Variants in SEZ6L observed in about 807,000 individuals in gnomAD.
SEZ6L encodes seizure related 6 homolog like, also known as seizure 6-like protein.
SEZ6L carries 37 observed loss-of-function variants against 106.2 expected under a neutral mutation model. The observed-to-expected ratio is 0.35, with a 90% CI of 0.27 to 0.46. SEZ6L has a LOEUF of 0.46. Ranked by LOEUF, SEZ6L falls within the 20% of genes least tolerant of loss-of-function variation. SEZ6L has a pLI of 1.00. For missense variants in SEZ6L, 1,172 were observed against 1,332.8 expected (o/e 0.88, Z 1.88); for synonymous variants, 541 against 570.4 (o/e 0.95, Z 0.73).
chr22:26,287,786 T>G (rs956698994), intron 1 of SEZ6L, among the ~76,000 whole-genome samples: 6 of 152,224 alleles, frequency 3.9e-5, no homozygotes, highest in African/African-American at 1.4e-4. Flanking sequence ...CACAGATGCA[T>G]ATCATCTGTG....
intron 1 of SEZ6L, among the ~76,000 whole-genome samples, chr22:26,191,945 A>G (rs2145657597): frequency 6.6e-6 from 1 of 152,100 alleles, no homozygotes; most frequent in Non-Finnish European, 1.5e-5. Flanking sequence ...GGGCACATCC[A>G]CTAACTCACT....
intron 1 of SEZ6L, among the ~76,000 whole-genome samples, chr22:26,198,938 C>T (rs1174011121): frequency 6.6e-6 from 1 of 152,224 alleles, no homozygotes; most frequent in Non-Finnish European, 1.5e-5. Context: ...GGCCATGTGG[C>T]ATGTTCTGGC....
At chr22:26,309,320 G>C (rs1053257243) in intron 6 of SEZ6L, among the ~76,000 whole-genome samples, 1 of 152,080 alleles carries the variant, frequency 6.6e-6, no homozygotes, top group Non-Finnish European at 1.5e-5. Context: ...ATTTTTCAGG[G>C]CACTTTTTAT....
In SEZ6L at chr22:26,253,153, G is replaced by A. The variant is rs140164957; in HGVS notation, c.95-39253G>A. On this transcript the variant is annotated intron_variant, in intron 1 of 16. Coordinates refer to ENST00000248933, the MANE Select transcript of SEZ6L (RefSeq NM_021115.5). Reference sequence around the variant, plus strand: ...ATAAATTTGAAATCCAAAATGATGTGGCTGGCCCAGAATCACAGTGTAAGC... The same window carrying A: ...ATAAATTTGAAATCCAAAATGATGTAGCTGGCCCAGAATCACAGTGTAAGC... 1.6e-3 allele frequency among the ~76,000 whole-genome samples: 251 copies of A among 152,272 alleles called. 1 individual carries two copies. Among genetic ancestry groups the A allele is most frequent in the African/African-American group, 5.5e-3 (228 of 41,542 alleles).
At position 26,294,390 on chromosome 22, in the gene SEZ6L, G is replaced by A. The variant is rs375396789; in HGVS notation, c.934G>A (p.Val312Met). The change falls in exon 3 of 17, where the codon GTG (valine) becomes ATG (methionine). Residue 312 changes from valine to methionine, a missense_variant. Val to Met is a conservative substitution (Grantham distance 21). Transcript: ENST00000248933. ...CAACTTTCTGGAGTGCACATACAAC[G>A]TGACAGTCTACACTGGCTATGGGGT... ...LNNFLECTYNVTVYTGYGVEL... is the reference protein window; with the variant it reads ...LNNFLECTYNMTVYTGYGVEL... 7 of 1,613,944 alleles carry A rather than the reference G, an allele frequency of 4.3e-6. No individual in the cohort carries two copies. Among genetic ancestry groups the A allele is most frequent in the Non-Finnish European group, 5.9e-6 (7 of 1,180,024 alleles).
intron 1 of SEZ6L, 150 bp from the exon 2 acceptor site, chr22:26,292,256 A>AAGGG: frequency 1.7e-6 from 1 of 596,070 alleles, no homozygotes; most frequent in East Asian, 2.8e-5. Flanking sequence ...AAAAGAAAGG[A>AAGGG]AGGGAGGGAG....
chr22:26,256,248 A>G (rs1363233162), intron 1 of SEZ6L, among the ~76,000 whole-genome samples: 1 of 152,234 alleles, frequency 6.6e-6, no homozygotes, highest in African/African-American at 2.4e-5. Flanking sequence ...CGTGTGCATG[A>G]AAGAATAAAT....
chr22:26,216,427 G>T (rs140640022), intron 1 of SEZ6L, among the ~76,000 whole-genome samples: 1 of 152,078 alleles, frequency 6.6e-6, no homozygotes, highest in African/African-American at 2.4e-5. Context: ...AGGCTGAGGC[G>T]GGAAGATCAC....
chr22:26,336,412 T>C (rs1051484874), intron 9 of SEZ6L, among the ~76,000 whole-genome samples: 14 of 152,184 alleles, frequency 9.2e-5, no homozygotes, highest in African/African-American at 3.4e-4. Flanking sequence ...TCTTGTCTCA[T>C]TTCCCCACCA....
intron 1 of SEZ6L, among the ~76,000 whole-genome samples, chr22:26,238,461 T>C (rs1236240108): frequency 6.6e-6 from 1 of 152,226 alleles, no homozygotes; most frequent in Non-Finnish European, 1.5e-5. Context: ...TCAAAACTGT[T>C]GATTAGCACC....
intron 3 of SEZ6L, among the ~76,000 whole-genome samples, chr22:26,295,643 A>G (rs1256271115): frequency 1.3e-5 from 2 of 152,182 alleles, no homozygotes; most frequent in East Asian, 1.9e-4. Flanking sequence ...CCTCCATGTC[A>G]TGAAGAGTAT....
intron 1 of SEZ6L, among the ~76,000 whole-genome samples, chr22:26,237,190 A>G (rs1160458057): frequency 6.6e-6 from 1 of 152,168 alleles, no homozygotes; most frequent in African/African-American, 2.4e-5. Context: ...TCTACCTAAT[A>G]TGGTTGTCAT....
chr22:26,215,844 C>T (rs918577998), intron 1 of SEZ6L, among the ~76,000 whole-genome samples: 5 of 152,152 alleles, frequency 3.3e-5, no homozygotes, highest in African/African-American at 9.7e-5. Context: ...TCTGAGGAAA[C>T]GTTTAGGGCA....
chr22:26,314,096 AGAGAGAGAGAGAG>A (rs2081930301), intron 9 of SEZ6L, among the ~76,000 whole-genome samples, 194 bp downstream of exon 9: 1 of 94,988 alleles, frequency 1.1e-5, no homozygotes, highest in South Asian at 2.8e-4. Context: ...ACACACACAC[AGAGAGAGAGAGAG>A]AGGAGAGAGA....
chr22:26,351,513 T>G lies in SEZ6L; in HGVS notation c.2599+270T>G, dbSNP rs374113482. On this transcript the variant is annotated intron_variant, in intron 12 of 16. Transcript: ENST00000248933. ...CCTGGGAGCATAGTATACTTTGTTT[T>G]TTTGTTTGTTTGTTTGTTTGTTTGT... The G allele has an allele frequency of 7.2e-3, 2,304 of 321,510 alleles. 26 individuals carry two copies. Among genetic ancestry groups the G allele is most frequent in the East Asian group, 0.011 (182 of 16,826 alleles). 19.9% of individuals were successfully genotyped at this position (321,510 alleles called of 1,614,324 possible).
rs1368923951 is a variant in SEZ6L, at chr22:26,208,848, CTCTGTGTGTGTGTG to C, written c.94+39087_94+39100del. Among the ~76,000 whole-genome samples the C allele has an allele frequency of 5.4e-3, 578 of 106,898 alleles. 8 individuals carry two copies. The highest frequency in any genetic ancestry group is 0.022 in the African/African-American group (521 of 23,796). The allele number at this position is 106,898 out of a possible 152,430, so 70.1% of individuals were successfully genotyped here. A position where few individuals can be genotyped will look rare whatever the true frequency, so the allele number is the denominator to read the frequency against. On this transcript the variant is annotated intron_variant, in intron 1 of 16. Coordinates refer to ENST00000248933, the MANE Select transcript of SEZ6L (RefSeq NM_021115.5). ...GTTTTTTTCTACTTCTTGACTCTCT[CTCTGTGTGTGTGTG>C]TGTGTGTGTGTGTGTGTGTGTGTGT...
chr22:26,226,215 CA>C (rs2078629518), intron 1 of SEZ6L, among the ~76,000 whole-genome samples: 1 of 152,294 alleles, frequency 6.6e-6, no homozygotes, highest in East Asian at 1.9e-4. Flanking sequence ...ACACATCTGC[CA>C]ATTCCACCTT....
chr22:26,305,328 G>A (rs6004995), intron 5 of SEZ6L, among the ~76,000 whole-genome samples: 1,708 of 152,148 alleles, frequency 0.011, 21 homozygotes, highest in African/African-American at 0.039. Flanking sequence ...ATCCAGAACC[G>A]CATTTGGCGG....
At chr22:26,348,787 AG>A (rs1347743314) in intron 11 of SEZ6L, among the ~76,000 whole-genome samples, 12 of 540 alleles carry the variant, frequency 0.022, no homozygotes, top group Non-Finnish European at 0.039. Flanking sequence ...AGGGGAGGGA[AG>A]GGGAGGGAAG....
Sources: gnomAD v4.1 joint callset for allele counts (sites outside exome capture counted in the v4.1 genomes callset) on GRCh38, gnomAD v4.1.1 for gene constraint, MANE v1.5 for transcripts, NCBI Gene and HGNC (gene_info 2026-07-23, HGNC 2026-07-21) for gene names.